The following STARD13 variants were observed in gnomAD, a reference collection of about 807,000 sequenced individuals.
STARD13 encodes the protein stAR-related lipid transfer protein 13.
STARD13 carries 62 observed loss-of-function variants against 106.4 expected under a neutral mutation model. The observed-to-expected ratio is 0.58, with a 90% CI of 0.48 to 0.72. The LOEUF (loss-of-function observed/expected upper bound fraction) is 0.72, where lower values mean the gene tolerates loss of function less well. STARD13 is among the 30% of genes least tolerant of loss of function. The pLI is 0.00. For synonymous variants in STARD13, 565 were observed against 553.0 expected, an observed-to-expected ratio of 1.02 and a Z score of -0.31; for missense variants, 1,387 against 1,424.0, an observed-to-expected ratio of 0.97 and a Z score of 0.42.
chr13:33,471,114 A>G, the STARD13 span, among the ~76,000 whole-genome samples: 2 of 152,342 alleles, frequency 1.3e-5, no homozygotes, highest in Non-Finnish European at 2.9e-5. Context: ...GGTGTAAGGA[A>G]GGGATCCAGT....
chr13:33,353,861 G>A (rs901906156), upstream of STARD13, among the ~76,000 whole-genome samples: 3 of 152,184 alleles, frequency 2.0e-5, no homozygotes, highest in African/African-American at 7.2e-5. Flanking sequence ...CAGGCAGACT[G>A]TGAGCTCCAT....
At chr13:33,602,710 C>T in the STARD13 span, among the ~76,000 whole-genome samples, 6 of 152,304 alleles carry the variant, frequency 3.9e-5, no homozygotes, top group African/African-American at 1.4e-4. Flanking sequence ...GGTAAGCAAG[C>T]ATTACTGCCT....
intron 3 of STARD13, among the ~76,000 whole-genome samples, chr13:33,157,983 A>T (rs376213850): frequency 6.6e-6 from 1 of 152,230 alleles, no homozygotes; most frequent in African/African-American, 2.4e-5. Flanking sequence ...GAATTCAATA[A>T]AAAACATCAG....
intron 1 of STARD13, among the ~76,000 whole-genome samples, chr13:33,230,129 G>T (rs766770204): frequency 2.0e-5 from 3 of 152,214 alleles, no homozygotes; most frequent in Admixed American, 6.5e-5. Context: ...GGAAGAAGGA[G>T]ATTGTAGCCA....
intron 2 of STARD13, among the ~76,000 whole-genome samples, chr13:33,166,278 G>C (rs1383508735): frequency 1.9e-4 from 29 of 152,178 alleles, no homozygotes; most frequent in Admixed American, 1.9e-3. Context: ...GAGTGAAGCT[G>C]TCTTGCTCGG....
chr13:33,620,067 A>G, the STARD13 span, among the ~76,000 whole-genome samples: 1 of 152,120 alleles, frequency 6.6e-6, no homozygotes, highest in African/African-American at 2.4e-5. Flanking sequence ...CAAAGAAAAA[A>G]AAAGAGTGGG....
chr13:33,365,594 A>T, the STARD13 span, among the ~76,000 whole-genome samples: 7 of 152,218 alleles, frequency 4.6e-5, no homozygotes, highest in Non-Finnish European at 1.0e-4. Context: ...ATTATCTAGA[A>T]GATAAAATGC....
At chr13:33,224,125 A>C (rs2555603) in intron 1 of STARD13, among the ~76,000 whole-genome samples, 32,085 of 152,132 alleles carry the variant, frequency 0.21, 3,719 homozygotes, top group South Asian at 0.31. Flanking sequence ...AAAAGAGAGC[A>C]GTTACACTTG....
At chr13:33,218,497 C>A (rs903547196) in intron 1 of STARD13, among the ~76,000 whole-genome samples, 8 of 152,162 alleles carry the variant, frequency 5.3e-5, no homozygotes, top group African/African-American at 1.7e-4. Context: ...TCTCCTTCAG[C>A]CTCTTGAACC....
At chr13:33,258,418 C>T (rs1594177375) in intron 1 of STARD13, among the ~76,000 whole-genome samples, 2 of 151,708 alleles carry the variant, frequency 1.3e-5, no homozygotes, top group Non-Finnish European at 2.9e-5. Context: ...AGTTTAATGG[C>T]TATGAAGACC....
At chr13:33,225,685 A>G (rs1594131427) in intron 1 of STARD13, among the ~76,000 whole-genome samples, 1 of 151,860 alleles carries the variant, frequency 6.6e-6, no homozygotes, top group South Asian at 2.1e-4. Flanking sequence ...CCTTGGCACA[A>G]TGATCTTTGA....
At chr13:33,409,738 C>T in the STARD13 span, among the ~76,000 whole-genome samples, 5 of 152,120 alleles carry the variant, frequency 3.3e-5, no homozygotes, top group Non-Finnish European at 5.9e-5. Context: ...CCTGCCTGAC[C>T]AAATAGAGGA....
At chr13:33,676,369 G>C in the STARD13 span, among the ~76,000 whole-genome samples, 11,809 of 152,262 alleles carry the variant, frequency 0.078, 921 homozygotes, top group East Asian at 0.25. Flanking sequence ...CCATTTTTAA[G>C]CATACTGATT....
intron 3 of STARD13, among the ~76,000 whole-genome samples, chr13:33,155,801 A>C (rs1415828971): frequency 1.3e-5 from 2 of 152,208 alleles, no homozygotes; most frequent in African/African-American, 2.4e-5. Context: ...AGACATGATT[A>C]CTTGCAGGAA....
chr13:33,671,705 G>A, the STARD13 span, among the ~76,000 whole-genome samples: 336 of 151,886 alleles, frequency 2.2e-3, 1 homozygote, highest in African/African-American at 7.5e-3. Flanking sequence ...TCTTCAGCCT[G>A]GGAAACAGAG....
chr13:33,153,865 A>G (rs954656688), intron 3 of STARD13, among the ~76,000 whole-genome samples: 2 of 152,220 alleles, frequency 1.3e-5, no homozygotes, highest in African/African-American at 2.4e-5. Flanking sequence ...GCTCCTATGT[A>G]TGTCCTAGCC....
At chr13:33,626,642 A>T in the STARD13 span, among the ~76,000 whole-genome samples, 1 of 152,196 alleles carries the variant, frequency 6.6e-6, no homozygotes, top group South Asian at 2.1e-4. Flanking sequence ...TGTGAGTGGG[A>T]TTATATAATC....
chr13:33,581,231 T>C, the STARD13 span, among the ~76,000 whole-genome samples: 1 of 152,184 alleles, frequency 6.6e-6, no homozygotes, highest in Non-Finnish European at 1.5e-5. Context: ...ATAACAGTTA[T>C]AGAAGAAAAT....
chr13:33,153,869 C>T (rs1881613455), intron 3 of STARD13, among the ~76,000 whole-genome samples: 1 of 152,218 alleles, frequency 6.6e-6, no homozygotes, highest in Non-Finnish European at 1.5e-5. Flanking sequence ...CTATGTATGT[C>T]CTAGCCCGGC....
Sources: allele counts gnomAD v4.1 joint callset (sites outside exome capture counted in the v4.1 genomes callset), GRCh38; gene constraint gnomAD v4.1.1; transcripts MANE v1.5; gene names NCBI Gene and HGNC (gene_info 2026-07-23, HGNC 2026-07-21).